The following CPNE4 variants were observed in gnomAD, a reference collection of about 807,000 sequenced individuals.
CPNE4 encodes the protein copine-4.
A neutral mutation model predicts 67.9 loss-of-function variants in CPNE4; 25 were observed. That is an observed-to-expected ratio of 0.37 (90% CI 0.27 to 0.51). CPNE4 has a LOEUF of 0.51. CPNE4 is among the 20% of genes least tolerant of loss of function. CPNE4 has a pLI of 0.93. For synonymous variants in CPNE4, 242 were observed against 244.9 expected, an observed-to-expected ratio of 0.99 and a Z score of 0.11; for missense variants, 464 against 690.8, an observed-to-expected ratio of 0.67 and a Z score of 3.68.
In CPNE4 at chr3:132,025,301, A is replaced by C. The variant is rs72996824; in HGVS notation, c.-2+9266T>G. Among the ~76,000 whole-genome samples, 878 of 152,274 alleles carry C rather than the reference A, an allele frequency of 5.8e-3. 3 individuals are homozygous for C. The highest frequency in any genetic ancestry group is 0.02 in the African/African-American group (842 of 41,560). ...CTGGTCTTGTAGGGTGGAATGATTGATTTTGTATTCTGGTTGTGTTCCTGG... is the reference window on the plus strand; with the variant it reads ...CTGGTCTTGTAGGGTGGAATGATTGCTTTTGTATTCTGGTTGTGTTCCTGG... On this transcript the variant is annotated intron_variant, in intron 1 of 15. Coordinates refer to ENST00000429747, the MANE Select transcript of CPNE4 (RefSeq NM_130808.3).
chr3:131,937,424 C>T (rs2071255095), intron 1 of CPNE4, among the ~76,000 whole-genome samples: 1 of 152,110 alleles, frequency 6.6e-6, no homozygotes, highest in Admixed American at 6.6e-5. Context: ...TACAGCCAAA[C>T]TGTCCTTTAG....
At chr3:131,987,157 TA>T (rs2107645227) in intron 1 of CPNE4, among the ~76,000 whole-genome samples, 1 of 152,264 alleles carries the variant, frequency 6.6e-6, no homozygotes, top group East Asian at 1.9e-4. Context: ...AAATATTAAG[TA>T]AAAAATAGTG....
chr3:131,841,837 A>G (rs539074347), intron 2 of CPNE4, among the ~76,000 whole-genome samples: 1 of 152,234 alleles, frequency 6.6e-6, no homozygotes, highest in Non-Finnish European at 1.5e-5. Context: ...AAAGTAAACT[A>G]TAAACAATAA....
At chr3:131,589,395 G>C (rs188608562) in intron 7 of CPNE4, among the ~76,000 whole-genome samples, 1 of 152,198 alleles carries the variant, frequency 6.6e-6, no homozygotes, top group Non-Finnish European at 1.5e-5. Flanking sequence ...AAGGAAATCA[G>C]AAGACTCGGC....
At chr3:131,564,439 G>A in intron 10 of CPNE4, 90 bp from the exon 11 acceptor site, 3 of 1,188,414 alleles carry the variant, frequency 2.5e-6, no homozygotes, top group Non-Finnish European at 2.4e-6. Context: ...CTGGCCTCGG[G>A]TCAAAAACAG....
intron 7 of CPNE4, among the ~76,000 whole-genome samples, chr3:131,606,215 A>C (rs1939493630): frequency 6.6e-6 from 1 of 152,240 alleles, no homozygotes; most frequent in Admixed American, 6.5e-5. Context: ...AAGTCTTGGC[A>C]CAGCCAGGAA....
intron 2 of CPNE4, among the ~76,000 whole-genome samples, chr3:131,824,166 T>C (rs1277950843): frequency 7.0e-6 from 1 of 142,986 alleles, no homozygotes; most frequent in Admixed American, 6.7e-5. Context: ...TGAGATACAA[T>C]TCTTTATATA....
At chr3:131,803,525 G>C (rs2084205975) in intron 2 of CPNE4, among the ~76,000 whole-genome samples, 1 of 152,174 alleles carries the variant, frequency 6.6e-6, no homozygotes, top group Admixed American at 6.5e-5. Flanking sequence ...TGAAGGCATA[G>C]ACATCTGGGA....
chr3:131,779,826 C>T (rs1460877903), intron 2 of CPNE4, among the ~76,000 whole-genome samples: 1 of 151,898 alleles, frequency 6.6e-6, no homozygotes, highest in Non-Finnish European at 1.5e-5. Flanking sequence ...AACCCCACAA[C>T]AATTGATAAG....
chr3:131,571,341 T>C (rs1031161850), intron 10 of CPNE4, among the ~76,000 whole-genome samples: 54 of 152,014 alleles, frequency 3.6e-4, no homozygotes, highest in Non-Finnish European at 1.3e-4. Flanking sequence ...ATTTTTCTCT[T>C]GGGACATCTC....
At chr3:131,590,891 A>G (rs1476989848) in intron 7 of CPNE4, among the ~76,000 whole-genome samples, 2 of 152,228 alleles carry the variant, frequency 1.3e-5, no homozygotes, top group Non-Finnish European at 2.9e-5. Flanking sequence ...AATGCAATGT[A>G]GCTTTGACAG....
chr3:131,974,005 A>C (rs1311318537), intron 1 of CPNE4, among the ~76,000 whole-genome samples: 1 of 152,154 alleles, frequency 6.6e-6, no homozygotes, highest in African/African-American at 2.4e-5. Context: ...TCTTTGAATC[A>C]CCATGGCAAC....
Position 131,647,523 on chromosome 3 carries a change from C to T in CPNE4, c.681+22152G>A, listed in dbSNP as rs1050306234. Among the ~76,000 whole-genome samples, 10 of 152,296 alleles carry T rather than the reference C, an allele frequency of 6.6e-5. 1 individual carries two copies. The highest frequency in any genetic ancestry group is 3.3e-4 in the Admixed American group (5 of 15,296). Reference sequence around the variant, plus strand: ...CTTTACCTTTGCCCCATCTAATTGTCCAGGGAACAGATTTTTGGATCTAAG... The same window carrying T: ...CTTTACCTTTGCCCCATCTAATTGTTCAGGGAACAGATTTTTGGATCTAAG... On this transcript the variant is annotated intron_variant, in intron 7 of 15. Transcript: ENST00000429747.
At chr3:131,900,980 T>C (rs1263283252) in intron 2 of CPNE4, among the ~76,000 whole-genome samples, 1 of 151,986 alleles carries the variant, frequency 6.6e-6, no homozygotes, top group African/African-American at 2.4e-5. Flanking sequence ...ATGAAAAAAT[T>C]GAATTAATGG....
intron 1 of CPNE4, among the ~76,000 whole-genome samples, chr3:131,993,472 C>CAAAAAAAAA (rs58116331): frequency 0.018 from 1,110 of 60,294 alleles, 173 homozygotes; most frequent in African/African-American, 0.024. Flanking sequence ...GCAGGAGTGG[C>CAAAAAAAAA]AAAAAAAAAA....
chr3:131,775,618 G>A (rs145551287), intron 2 of CPNE4, among the ~76,000 whole-genome samples: 2,453 of 152,168 alleles, frequency 0.016, 69 homozygotes, highest in African/African-American at 0.056. Flanking sequence ...GAGTTTCCCC[G>A]CACAAGTTCT....
At chr3:131,628,167 AC>A (rs375698435) in intron 7 of CPNE4, among the ~76,000 whole-genome samples, 196 of 152,276 alleles carry the variant, frequency 1.3e-3, no homozygotes, top group African/African-American at 4.5e-3. Flanking sequence ...AGTGATCACC[AC>A]CCTGATCAGT....
chr3:131,683,607 T>C (rs907991945), intron 6 of CPNE4, among the ~76,000 whole-genome samples: 3 of 152,090 alleles, frequency 2.0e-5, no homozygotes, highest in African/African-American at 4.8e-5. Context: ...CACGCATTCC[T>C]TGGTGGTGCA....
intron 2 of CPNE4, among the ~76,000 whole-genome samples, chr3:131,836,366 A>G (rs1370309563): frequency 6.6e-6 from 1 of 152,256 alleles, no homozygotes; most frequent in Non-Finnish European, 1.5e-5. Context: ...GTGTACGATT[A>G]TATTAATTAA....
Sources: gnomAD v4.1 joint callset for allele counts (sites outside exome capture counted in the v4.1 genomes callset) on GRCh38, gnomAD v4.1.1 for gene constraint, MANE v1.5 for transcripts, NCBI Gene and HGNC (gene_info 2026-07-23, HGNC 2026-07-21) for gene names.